The following DHDDS variants were observed in gnomAD, a reference collection of about 807,000 sequenced individuals.
The protein encoded by DHDDS is dehydrodolichyl diphosphate synthase subunit.
In DHDDS, 16 loss-of-function variants were observed where a neutral mutation model predicts 46.2. The ratio of observed to expected loss-of-function variants is 0.35; its 90% CI spans 0.23 to 0.53. The LOEUF (loss-of-function observed/expected upper bound fraction) is 0.53, where lower values mean the gene tolerates loss of function less well. DHDDS is among the 20% of genes least tolerant of loss of function. The pLI is 0.94. For missense variants in DHDDS, 340 were observed against 423.7 expected, an observed-to-expected ratio of 0.80 and a Z score of 1.73; for synonymous variants, 151 against 163.1, an observed-to-expected ratio of 0.93 and a Z score of 0.56.
chr1:26,458,105 G>A (rs907489833), intron 7 of DHDDS, among the ~76,000 whole-genome samples, 200 bp downstream of exon 7: 1 of 152,148 alleles, frequency 6.6e-6, no homozygotes, highest in South Asian at 2.1e-4. Context: ...CTGGCTTTGC[G>A]AATCCAACTA....
chr1:26,468,210 G>A (rs1344680475), intron 8 of DHDDS, among the ~76,000 whole-genome samples: 1 of 143,242 alleles, frequency 7.0e-6, no homozygotes, highest in Non-Finnish European at 1.5e-5. Flanking sequence ...AGTTGAACCT[G>A]CTTCTCAGAA....
intron 2 of DHDDS, among the ~76,000 whole-genome samples, chr1:26,436,398 C>G (rs1345146267): frequency 8.7e-6 from 1 of 114,368 alleles, no homozygotes; most frequent in Non-Finnish European, 1.9e-5. Flanking sequence ...GAGTAAGACT[C>G]TGTTTTGTTT....
chr1:26,452,082 G>A (rs2075327329), intron 6 of DHDDS, among the ~76,000 whole-genome samples: 1 of 151,906 alleles, frequency 6.6e-6, no homozygotes, highest in Non-Finnish European at 1.5e-5. Context: ...GTTTCACTCT[G>A]TTGCTGAGGC....
At chr1:26,440,159 A>T (rs1306524171) in intron 3 of DHDDS, among the ~76,000 whole-genome samples, 2 of 152,232 alleles carry the variant, frequency 1.3e-5, no homozygotes, top group Admixed American at 6.5e-5. Context: ...AATAAATAAA[A>T]GAATGGAAAT....
chr1:26,468,734 C>A (rs1409781668), intron 8 of DHDDS, among the ~76,000 whole-genome samples, 161 bp from the exon 9 acceptor site: 1 of 152,184 alleles, frequency 6.6e-6, no homozygotes, highest in East Asian at 1.9e-4. Flanking sequence ...GAGCACCACC[C>A]ACTGCATACC....
intron 6 of DHDDS, among the ~76,000 whole-genome samples, chr1:26,451,627 T>C (rs1570349380): frequency 6.6e-6 from 1 of 150,802 alleles, no homozygotes; most frequent in East Asian, 1.9e-4. Context: ...GGCTATTTTT[T>C]TTTCTTTTTT....
intron 4 of DHDDS, among the ~76,000 whole-genome samples, chr1:26,443,273 T>G (rs927600003): frequency 9.2e-5 from 14 of 152,148 alleles, no homozygotes; most frequent in African/African-American, 3.4e-4. Flanking sequence ...GATCCCTAAA[T>G]TCTATCAGAT....
At position 26,442,755 on chromosome 1, in the gene DHDDS, G is replaced by C; in HGVS notation, c.205G>C (p.Gly69Arg). 6.2e-7 allele frequency: 1 copy of C among 1,613,960 alleles called. No individual in the cohort carries two copies. Among genetic ancestry groups the C allele is most frequent in the Non-Finnish European group, 8.5e-7 (1 of 1,179,980 alleles). ...AETLRWCLNL[G>R]ILEVTVYAFS... ...GACTCTGCGGTGGTGTTTGAACCTG[G>C]GCATCCTAGAGGTGACAGTCTACGC... The change falls in exon 4 of 9, where the codon GGC (glycine) becomes CGC (arginine). Residue 69 changes from glycine to arginine, a missense_variant. By Grantham distance (125) the Gly-to-Arg change is moderately radical. This residue lies in a region of DHDDS where 72 missense variants were observed against 123.5 expected (regional missense o/e 0.58). Coordinates refer to ENST00000236342, the MANE Select transcript of DHDDS (RefSeq NM_205861.3).
At chr1:26,433,433 T>A (rs1266792615) in intron 2 of DHDDS, among the ~76,000 whole-genome samples, 1 of 152,068 alleles carries the variant, frequency 6.6e-6, no homozygotes, top group Non-Finnish European at 1.5e-5. Flanking sequence ...GCAGATTGTT[T>A]GAGCTCAGGA....
chr1:26,446,306 C>T lies in DHDDS; in HGVS notation c.324-10C>T, dbSNP rs144459149. ...GCCCTATCCCAATGCTGCCTCTTTT[C>T]CCTGATCAGGGAGAAACTGCAGAAG... On this transcript the variant is annotated splice_polypyrimidine_tract_variant and intron_variant, in intron 4 of 8. Transcript: ENST00000236342. 5.3e-4 allele frequency: 852 copies of T among 1,613,366 alleles called. 3 individuals are homozygous for T. The African/African-American group carries it at 8.6e-3, about 16-fold the overall frequency.
At position 26,471,254 on chromosome 1, in the gene DHDDS, A is replaced by ATTC. The variant is rs1357501347; in HGVS notation, c.*2126_*2128dup. 1 of 152,192 alleles carries ATTC rather than the reference A, an allele frequency of 6.6e-6. No homozygotes were observed. Among genetic ancestry groups the ATTC allele is most frequent in the African/African-American group, 2.4e-5 (1 of 41,442 alleles). 9.4% of individuals were successfully genotyped at this position (152,192 alleles called of 1,614,324 possible). A position where few individuals can be genotyped will look rare whatever the true frequency, so the allele number is the denominator to read the frequency against. ...GCCCCCATTTGAGGACATCTATCGT[A>ATTC]TTCTTGTGTGCTGGGTCTCAAATAG... On this transcript the variant is annotated 3_prime_UTR_variant, in exon 9 of 9. Transcript: ENST00000236342.
At chr1:26,460,010 T>A in intron 7 of DHDDS, 27 bp from the exon 8 acceptor site, 1 of 1,585,452 alleles carries the variant, frequency 6.3e-7, no homozygotes, top group East Asian at 2.2e-5. Flanking sequence ...TGTTACTAAA[T>A]CATACTCTCC....
intron 6 of DHDDS, among the ~76,000 whole-genome samples, chr1:26,454,110 C>T (rs1015408186): frequency 1.3e-5 from 2 of 152,066 alleles, no homozygotes; most frequent in East Asian, 1.9e-4. Context: ...CCCACCACCA[C>T]GCCCGGCTAA....
Position 26,460,039 on chromosome 1 carries a change from C to T in DHDDS, c.660C>T (p.Thr220=). The T allele has an allele frequency of 6.2e-7, 1 of 1,613,728 alleles. No individual in the cohort carries two copies. The highest frequency in any genetic ancestry group is 1.3e-5 in the African/African-American group (1 of 75,014). ...ACTCTCCTCCCTACCTTTCCCAGAC[C>T]TCTCACTCCTGCCTGGTGTTCCAAC... ...VRLSDFLLWQ[T]SHSCLVFQPV... is the part of the protein sequence containing the mutation. Residue 220 remains threonine (T), a splice_region_variant and synonymous_variant, in exon 8 of 9, where the codon ACC becomes ACT. Coordinates refer to ENST00000236342, the MANE Select transcript of DHDDS (RefSeq NM_205861.3).
At chr1:26,433,199 T>C in intron 2 of DHDDS, 191 bp downstream of exon 2, 1 of 655,740 alleles carries the variant, frequency 1.5e-6, no homozygotes, top group Non-Finnish European at 2.7e-6. Flanking sequence ...CTAACTCTGA[T>C]ATTTTCTGGA....
At chr1:26,466,704 T>A (rs908787776) in intron 8 of DHDDS, among the ~76,000 whole-genome samples, 1 of 152,222 alleles carries the variant, frequency 6.6e-6, no homozygotes, top group Non-Finnish European at 1.5e-5. Flanking sequence ...ATTTCCTCCC[T>A]CTGTTGCTGA....
chr1:26,443,942 A>G (rs1406879854), intron 4 of DHDDS, among the ~76,000 whole-genome samples: 1 of 152,194 alleles, frequency 6.6e-6, no homozygotes, highest in Non-Finnish European at 1.5e-5. Flanking sequence ...TTATTAGCCA[A>G]TTTTTAGAGA....
At chr1:26,461,135 A>C (rs951903680) in intron 8 of DHDDS, among the ~76,000 whole-genome samples, 1 of 152,108 alleles carries the variant, frequency 6.6e-6, no homozygotes, top group Admixed American at 6.6e-5. Context: ...TGGCCTCCCA[A>C]AGTGCTGGGA....
Position 26,467,030 on chromosome 1 carries a change from G to GC in DHDDS, c.766-1859dup, listed in dbSNP as rs1458574648. ...CTCCCACTGCCAGAATATTCTCCCT[G>GC]CCCCCCACACACCTCACCTCTGTTT... On this transcript the variant is annotated intron_variant, in intron 8 of 8. Transcript: ENST00000236342. 6.3e-5 allele frequency: 13 copies of GC among 206,486 alleles called. No individual in the cohort carries two copies. The East Asian group carries it at 1.3e-3, about 20-fold the overall frequency. 12.8% of individuals were successfully genotyped at this position (206,486 alleles called of 1,614,324 possible).
Sources: gnomAD v4.1 joint callset for allele counts (sites outside exome capture counted in the v4.1 genomes callset) on GRCh38, gnomAD v4.1.1 for gene constraint, gnomAD v4.1.1 regional missense constraint, MANE v1.5 for transcripts, NCBI Gene and HGNC (gene_info 2026-07-23, HGNC 2026-07-21) for gene names.